The following CCDC7 variants were observed in gnomAD, a reference collection of about 807,000 sequenced individuals.
CCDC7 encodes the protein coiled-coil domain containing 7, also known as coiled-coil domain-containing protein 7.
In CCDC7, 183 loss-of-function variants were observed where a neutral mutation model predicts 196.9. The ratio of observed to expected loss-of-function variants is 0.93; its 90% CI spans 0.82 to 1.05. The LOEUF (loss-of-function observed/expected upper bound fraction) is 1.05, where lower values mean the gene tolerates loss of function less well. Ranked by LOEUF, CCDC7 falls within the 50% of genes least tolerant of loss-of-function variation. The probability of loss-of-function intolerance (pLI) is 0.00; values close to 1 mark genes in which losing one functional copy is unlikely to be tolerated. For missense variants in CCDC7, 1,540 were observed against 1,482.2 expected, an observed-to-expected ratio of 1.04 and a Z score of -0.64; for synonymous variants, 525 against 484.6, an observed-to-expected ratio of 1.08 and a Z score of -1.10.
At chr10:32,648,156 A>G (rs912148372) in intron 20 of CCDC7, among the ~76,000 whole-genome samples, 1 of 151,996 alleles carries the variant, frequency 6.6e-6, no homozygotes, top group Non-Finnish European at 1.5e-5. Flanking sequence ...GGCTTTATTT[A>G]TGAGTTTTCT....
chr10:32,705,566 G>T (rs546134820), intron 24 of CCDC7, among the ~76,000 whole-genome samples: 1 of 152,224 alleles, frequency 6.6e-6, no homozygotes, highest in East Asian at 1.9e-4. Flanking sequence ...GCTATATTCA[G>T]GAGACCCATC....
Position 32,543,840 on chromosome 10 carries a change from A to G in CCDC7, c.1080-407A>G, listed in dbSNP as rs79588013. Among the ~76,000 whole-genome samples, 1,205 of 152,076 alleles carry G rather than the reference A, an allele frequency of 7.9e-3. 7 individuals are homozygous for G. The highest frequency in any genetic ancestry group is 0.02 in the Middle Eastern group (6 of 294). On this transcript the variant is annotated intron_variant, in intron 12 of 41. Coordinates refer to ENST00000639629, the Ensembl canonical transcript of CCDC7. ...TTATTAAGTAAATATTTTCTTTAGT[A>G]TTATAATTATTGCATTTGAATTTGC...
At position 32,794,194 on chromosome 10, in the gene CCDC7, C is replaced by T. The variant is rs561897326; in HGVS notation, c.3014-10821C>T. 2.6e-5 allele frequency among the ~76,000 whole-genome samples: 4 copies of T among 152,224 alleles called. No individual in the cohort carries two copies. In the South Asian group the frequency reaches 8.3e-4, roughly 32 times the overall value. Reference sequence around the variant, plus strand: ...ACATTGCAGTATTTGGTTTTCTGTCCCTGCATTGTCTTAGGATAGTGGCCT... The same window carrying T: ...ACATTGCAGTATTTGGTTTTCTGTCTCTGCATTGTCTTAGGATAGTGGCCT... On this transcript the variant is annotated intron_variant, in intron 29 of 41. Transcript: ENST00000639629.
Position 32,845,640 on chromosome 10 carries a change from AT to A in CCDC7, c.3520+17del. 6.3e-7 allele frequency: 1 copy of A among 1,579,968 alleles called. No individual in the cohort carries two copies. The highest frequency in any genetic ancestry group is 8.7e-7 in the Non-Finnish European group (1 of 1,150,910). ...AAAGTCACCCAGGTAAGAGAAAACA[AT>A]TTCAAGACTAATATTTATGGTTTAT... On this transcript the variant is annotated intron_variant, in intron 35 of 41. Coordinates refer to ENST00000639629, the Ensembl canonical transcript of CCDC7.
At chr10:32,867,429 A>AACATATGT (rs1399659713) in intron 41 of CCDC7, among the ~76,000 whole-genome samples, 3 of 151,470 alleles carry the variant, frequency 2.0e-5, no homozygotes, top group Non-Finnish European at 1.5e-5. Flanking sequence ...TCTACATATG[A>AACATATGT]ACATAGAGAA....
intron 20 of CCDC7, among the ~76,000 whole-genome samples, chr10:32,636,563 C>A (rs887361015): frequency 6.6e-6 from 1 of 152,072 alleles, no homozygotes; most frequent in East Asian, 1.9e-4. Context: ...TGAACTCATC[C>A]TTTTTTATGG....
At chr10:32,462,536 A>G in intron 3 of CCDC7, 147 bp from the exon 5 acceptor site, 1 of 560,010 alleles carries the variant, frequency 1.8e-6, no homozygotes, top group Non-Finnish European at 2.7e-6. Context: ...AAAAAATTTT[A>G]AGTTTCAACT....
chr10:32,462,016 C>T (rs2133677121), intron 3 of CCDC7, among the ~76,000 whole-genome samples: 1 of 151,876 alleles, frequency 6.6e-6, no homozygotes, highest in South Asian at 2.1e-4. Context: ...AGGTGATCCA[C>T]CTGCCTTGGC....
chr10:32,855,838 A>C (rs1486354304), intron 41 of CCDC7, among the ~76,000 whole-genome samples: 2 of 152,208 alleles, frequency 1.3e-5, no homozygotes, highest in African/African-American at 2.4e-5. Flanking sequence ...TTACTGCAAA[A>C]CTACAATAAC....
At chr10:32,561,647 C>A (rs1301944126) in intron 13 of CCDC7, among the ~76,000 whole-genome samples, 140 of 149,760 alleles carry the variant, frequency 9.3e-4, no homozygotes, top group African/African-American at 3.2e-3. Flanking sequence ...ACACATTCAA[C>A]GCAGTGTGTA....
chr10:32,501,192 C>G (rs1381996747), intron 9 of CCDC7, among the ~76,000 whole-genome samples: 1 of 152,038 alleles, frequency 6.6e-6, no homozygotes, highest in Non-Finnish European at 1.5e-5. Flanking sequence ...CTTGTGTATG[C>G]TTCACAAAGT....
At position 32,567,658 on chromosome 10, in the gene CCDC7, T is replaced by G. The variant is rs1335045834; in HGVS notation, c.1198-12T>G. 6.3e-7 allele frequency: 1 copy of G among 1,599,516 alleles called. No individual in the cohort carries two copies. Among genetic ancestry groups the G allele is most frequent in the East Asian group, 2.2e-5 (1 of 44,500 alleles). ...GAAAATGCTTAATAAACTGGTACTT[T>G]TTTAAAAACAGGAAGCTGAAAAAGC... On this transcript the variant is annotated splice_polypyrimidine_tract_variant and intron_variant, in intron 14 of 41. Coordinates refer to ENST00000639629, the Ensembl canonical transcript of CCDC7.
At chr10:32,639,629 G>GT (rs552548575) in intron 20 of CCDC7, among the ~76,000 whole-genome samples, 6,729 of 133,218 alleles carry the variant, frequency 0.051, 204 homozygotes, top group Non-Finnish European at 0.073. Context: ...TTTCTGTTCT[G>GT]TTTTTTTTTT....
chr10:32,620,901 G>C (rs947003051), intron 18 of CCDC7, among the ~76,000 whole-genome samples: 2 of 152,178 alleles, frequency 1.3e-5, no homozygotes, highest in Non-Finnish European at 2.9e-5. Context: ...GAGTTTTAGT[G>C]TCTTCATAGC....
At chr10:32,610,617 G>A (rs780316854) in intron 18 of CCDC7, among the ~76,000 whole-genome samples, 5 of 151,908 alleles carry the variant, frequency 3.3e-5, no homozygotes, top group South Asian at 2.1e-4. Context: ...GTTCCCCTCC[G>A]GGAGCCCATA....
At chr10:32,679,836 G>C (rs2075594491) in intron 21 of CCDC7, among the ~76,000 whole-genome samples, 5 of 152,168 alleles carry the variant, frequency 3.3e-5, no homozygotes, top group Admixed American at 3.3e-4. Flanking sequence ...AGGGAATTAA[G>C]TATATTAGTG....
At chr10:32,615,134 G>A (rs2062638964) in intron 18 of CCDC7, among the ~76,000 whole-genome samples, 1 of 152,002 alleles carries the variant, frequency 6.6e-6, no homozygotes. Context: ...TAATTCTAGG[G>A]TAAACATACA....
chr10:32,726,584 T>G (rs2083159180), intron 25 of CCDC7, 150 bp from the exon 27 acceptor site: 2 of 469,918 alleles, frequency 4.3e-6, no homozygotes, highest in Non-Finnish European at 3.8e-6. Flanking sequence ...ATGTCAGATT[T>G]AAATTATGGT....
At chr10:32,550,327 T>G (rs1165132245) in intron 13 of CCDC7, among the ~76,000 whole-genome samples, 3 of 152,132 alleles carry the variant, frequency 2.0e-5, no homozygotes, top group African/African-American at 7.2e-5. Flanking sequence ...TCTTTAGGGT[T>G]TTCAAGGTAA....
Sources: gnomAD v4.1 joint callset for allele counts (sites outside exome capture counted in the v4.1 genomes callset) on GRCh38, gnomAD v4.1.1 for gene constraint, MANE v1.5 for transcripts, NCBI Gene and HGNC (gene_info 2026-07-23, HGNC 2026-07-21) for gene names.